The following DARS1 variants were observed in gnomAD, a reference collection of about 807,000 sequenced individuals.
The protein encoded by DARS1 is aspartyl-tRNA synthetase 1, also known as aspartate--tRNA ligase, cytoplasmic.
DARS1 carries 51 observed loss-of-function variants against 68.8 expected under a neutral mutation model. The observed-to-expected ratio is 0.74, with a 90% CI of 0.59 to 0.94. The LOEUF (loss-of-function observed/expected upper bound fraction) is 0.94. DARS1 is among the 40% of genes least tolerant of loss of function. The pLI, the probability that DARS1 is intolerant of heterozygous loss-of-function variation, is 0.00. For synonymous variants in DARS1, 203 were observed against 190.4 expected (o/e 1.07, Z -0.55); for missense variants, 607 against 597.3 (o/e 1.02, Z -0.17).
chr2:135,968,659 T>C (rs547495593), intron 3 of DARS1, among the ~76,000 whole-genome samples: 7 of 128,798 alleles, frequency 5.4e-5, no homozygotes, highest in Admixed American at 1.5e-4. Flanking sequence ...GGGATTCAGC[T>C]TTTTTTTTTT....
chr2:135,943,162 GGGTGCATCACAGAATT>G, intron 5 of DARS1, 200 bp downstream of exon 5: 1 of 534,676 alleles, frequency 1.9e-6, no homozygotes, highest in Non-Finnish European at 3.0e-6. Flanking sequence ...CATCTCAGTT[GGGTGCATCACAGAATT>G]GTAAGCAAAT....
At chr2:135,943,253 TTCAG>T in intron 5 of DARS1, 121 bp downstream of exon 5, 1 of 1,320,478 alleles carries the variant, frequency 7.6e-7, no homozygotes, top group Non-Finnish European at 1.0e-6. Flanking sequence ...AGCTAATTGA[TTCAG>T]TAACTAATTT....
intron 4 of DARS1, among the ~76,000 whole-genome samples, chr2:135,953,085 T>C (rs73957078): frequency 0.023 from 3,458 of 152,322 alleles, 128 homozygotes; most frequent in African/African-American, 0.079. Flanking sequence ...TGGTTTTTAT[T>C]GCACAATTTT....
chr2:135,918,426 G>C (rs1405265201), intron 10 of DARS1, among the ~76,000 whole-genome samples: 1 of 151,936 alleles, frequency 6.6e-6, no homozygotes, highest in African/African-American at 2.4e-5. Context: ...TTCTATGAGA[G>C]GTAAATACTA....
In DARS1 at chr2:135,944,621, G is replaced by A. The variant is rs1362603089; in HGVS notation, c.321-1141C>T. Among the ~76,000 whole-genome samples, 4 of 151,930 alleles carry A rather than the reference G, an allele frequency of 2.6e-5. No homozygotes were observed. In the East Asian group the frequency reaches 7.7e-4, roughly 29 times the overall value. On this transcript the variant is annotated intron_variant, in intron 4 of 15. Coordinates refer to ENST00000264161, the MANE Select transcript of DARS1 (RefSeq NM_001349.4). The stretch of plus-strand genomic sequence containing the variant: ...ATGCATATCTCTTGTACTCTCGTAA[G>A]TCTCCTGCACTGGGGCTATCACCTA...
chr2:135,934,017 G>C lies in DARS1; in HGVS notation c.424-27C>G, dbSNP rs1274807294. ...TGTAAGTGAGAGATTACCAAAAATA[G>C]TAGAAAGCACACAAAATCTGCATCT... On this transcript the variant is annotated intron_variant, in intron 5 of 15. Transcript: ENST00000264161. The C allele has an allele frequency of 3.7e-6, 6 of 1,602,038 alleles. No individual in the cohort carries two copies. The Admixed American group carries it at 8.5e-5, about 23-fold the overall frequency.
intron 10 of DARS1, among the ~76,000 whole-genome samples, 159 bp downstream of exon 10, chr2:135,920,294 T>C (rs1157984256): frequency 6.6e-6 from 1 of 152,232 alleles, no homozygotes; most frequent in Non-Finnish European, 1.5e-5. Context: ...ATTCTGAGTG[T>C]AGATTTTTCC....
chr2:135,963,219 G>A (rs1440304318), intron 3 of DARS1, among the ~76,000 whole-genome samples: 1 of 152,120 alleles, frequency 6.6e-6, no homozygotes, highest in Non-Finnish European at 1.5e-5. Context: ...TCCTATGAAG[G>A]GGCCTGTGGG....
chr2:135,958,901 T>C (rs1182668638), intron 4 of DARS1, among the ~76,000 whole-genome samples: 1 of 152,066 alleles, frequency 6.6e-6, no homozygotes, highest in African/African-American at 2.4e-5. Flanking sequence ...AGCTCAACCT[T>C]TTCCTACACA....
chr2:135,947,930 T>C (rs1681763208), intron 4 of DARS1, among the ~76,000 whole-genome samples: 1 of 152,174 alleles, frequency 6.6e-6, no homozygotes. Context: ...AACACTGATG[T>C]ATCTTGATGT....
chr2:135,919,428 T>C (rs1329393094), intron 10 of DARS1, among the ~76,000 whole-genome samples: 1 of 152,194 alleles, frequency 6.6e-6, no homozygotes, highest in East Asian at 1.9e-4. Flanking sequence ...ACATATCAAA[T>C]ACATCAACAA....
intron 4 of DARS1, among the ~76,000 whole-genome samples, chr2:135,952,162 T>C (rs1681851889): frequency 6.6e-6 from 1 of 152,188 alleles, no homozygotes; most frequent in African/African-American, 2.4e-5. Context: ...GAGAATCGCT[T>C]GAACCTGGGA....
chr2:135,985,500 C>T lies in DARS1; in HGVS notation c.-32G>A, dbSNP rs1575412324. ...ACGGAACTGGGCAGTGGACACCACC[C>T]TCCCTCGCAGGCTTCCGTAAGGCAG... On this transcript the variant is annotated 5_prime_UTR_variant, in exon 1 of 16. Coordinates refer to ENST00000264161, the MANE Select transcript of DARS1 (RefSeq NM_001349.4). The T allele has an allele frequency of 1.2e-6, 2 of 1,614,004 alleles. No homozygotes were observed. Among genetic ancestry groups the T allele is most frequent in the Non-Finnish European group, 1.7e-6 (2 of 1,179,958 alleles).
chr2:135,954,217 G>C (rs1681910086), intron 4 of DARS1, among the ~76,000 whole-genome samples: 1 of 150,544 alleles, frequency 6.6e-6, no homozygotes, highest in East Asian at 1.9e-4. Context: ...GGATGACACA[G>C]AGACTAGAGT....
At chr2:135,941,935 G>C (rs1012238188) in intron 5 of DARS1, among the ~76,000 whole-genome samples, 31 of 152,198 alleles carry the variant, frequency 2.0e-4, no homozygotes, top group African/African-American at 7.5e-4. Flanking sequence ...TCAGAGAAAT[G>C]CAAATCAAAA....
At chr2:135,979,623 G>A (rs1016678522) in intron 2 of DARS1, among the ~76,000 whole-genome samples, 3 of 152,144 alleles carry the variant, frequency 2.0e-5, no homozygotes, top group Non-Finnish European at 4.4e-5. Context: ...ACTAAACCAA[G>A]CTATTGTCTC....
intron 4 of DARS1, among the ~76,000 whole-genome samples, chr2:135,957,549 A>T (rs1364264193): frequency 1.3e-5 from 2 of 151,952 alleles, no homozygotes; most frequent in Non-Finnish European, 2.9e-5. Flanking sequence ...TTTGGTAGAG[A>T]TGGGGTTTCG....
At chr2:135,942,153 G>C (rs1681616357) in intron 5 of DARS1, among the ~76,000 whole-genome samples, 1 of 151,978 alleles carries the variant, frequency 6.6e-6, no homozygotes, top group Non-Finnish European at 1.5e-5. Flanking sequence ...CCCATTACTG[G>C]GTATATACCC....
In DARS1 at chr2:135,985,561, C is replaced by G; in HGVS notation, c.-93G>C. 6.3e-7 allele frequency: 1 copy of G among 1,595,460 alleles called. No homozygotes were observed. The highest frequency in any genetic ancestry group is 8.5e-7 in the Non-Finnish European group (1 of 1,171,310). On this transcript the variant is annotated 5_prime_UTR_variant, in exon 1 of 16. Transcript: ENST00000264161. ...CTTCTCCCTCCCTCCCAGTCTCCGCCCTCCCGACCCTGGGGTCTCAGCACA... is the reference window on the plus strand; with the variant it reads ...CTTCTCCCTCCCTCCCAGTCTCCGCGCTCCCGACCCTGGGGTCTCAGCACA...
Sources: allele counts gnomAD v4.1 joint callset (sites outside exome capture counted in the v4.1 genomes callset), GRCh38; gene constraint gnomAD v4.1.1; transcripts MANE v1.5; gene names NCBI Gene and HGNC (gene_info 2026-07-23, HGNC 2026-07-21).